Variants in GSG1L observed in about 807,000 individuals in gnomAD.
The protein encoded by GSG1L is germ cell-specific gene 1-like protein.
Under a neutral mutation model 42.1 loss-of-function variants are expected in GSG1L, and 24 were observed. The ratio of observed to expected loss-of-function variants is 0.57; its 90% CI spans 0.41 to 0.80. The LOEUF (loss-of-function observed/expected upper bound fraction) is 0.80, where lower values mean the gene tolerates loss of function less well. Ranked by LOEUF, GSG1L falls within the 30% of genes least tolerant of loss-of-function variation. The pLI, the probability that GSG1L is intolerant of heterozygous loss-of-function variation, is 0.00. For missense variants in GSG1L, 445 were observed against 472.2 expected, an observed-to-expected ratio of 0.94 and a Z score of 0.53; for synonymous variants, 215 against 203.5, an observed-to-expected ratio of 1.06 and a Z score of -0.48.
At chr16:28,050,013 C>G (rs1427347228) in intron 1 of GSG1L, among the ~76,000 whole-genome samples, 1 of 152,090 alleles carries the variant, frequency 6.6e-6, no homozygotes, top group Admixed American at 6.6e-5. Flanking sequence ...GGGCAGGAAC[C>G]TTATATATGA....
intron 2 of GSG1L, among the ~76,000 whole-genome samples, chr16:27,921,311 T>C (rs1323204260): frequency 6.6e-6 from 1 of 152,176 alleles, no homozygotes; most frequent in African/African-American, 2.4e-5. Context: ...ACTGCTCCCA[T>C]GCCCTCCAAA....
At chr16:27,946,754 T>C (rs1193076214) in intron 2 of GSG1L, among the ~76,000 whole-genome samples, 5 of 152,188 alleles carry the variant, frequency 3.3e-5, no homozygotes, top group African/African-American at 1.2e-4. Context: ...TGCGTTATTC[T>C]ATAAAGCTTA....
At chr16:27,915,159 G>A (rs377658103) in intron 2 of GSG1L, among the ~76,000 whole-genome samples, 45 of 150,644 alleles carry the variant, frequency 3.0e-4, no homozygotes, top group Middle Eastern at 6.8e-3. Context: ...TCTGAGAGGG[G>A]ATGAGGGAGC....
chr16:27,961,338 G>A (rs1488998977), intron 2 of GSG1L, among the ~76,000 whole-genome samples: 1 of 152,234 alleles, frequency 6.6e-6, no homozygotes, highest in African/African-American at 2.4e-5. Flanking sequence ...TTGGAGCAAA[G>A]TTGACCCAGG....
intron 1 of GSG1L, among the ~76,000 whole-genome samples, chr16:28,023,732 C>T (rs1029783878): frequency 6.6e-6 from 1 of 152,164 alleles, no homozygotes; most frequent in Non-Finnish European, 1.5e-5. Flanking sequence ...TGCCTAAGAT[C>T]ACATAGCAAG....
chr16:27,909,499 A>G (rs1187465033), intron 2 of GSG1L, among the ~76,000 whole-genome samples: 1 of 148,548 alleles, frequency 6.7e-6, no homozygotes, highest in Non-Finnish European at 1.5e-5. Context: ...CAAGGGTCCC[A>G]CCTCAGCCTC....
At chr16:27,873,930 C>A (rs1258758872) in intron 3 of GSG1L, among the ~76,000 whole-genome samples, 1 of 152,200 alleles carries the variant, frequency 6.6e-6, no homozygotes, top group Non-Finnish European at 1.5e-5. Context: ...AGCCCTATTG[C>A]AAATGCTTAA....
intron 1 of GSG1L, among the ~76,000 whole-genome samples, chr16:28,012,055 C>T (rs74016604): frequency 6.6e-6 from 1 of 152,072 alleles, no homozygotes; most frequent in East Asian, 1.9e-4. Flanking sequence ...CAACTAAGTC[C>T]AAACTCCCTG....
At chr16:27,796,145 T>A (rs1221925900) in intron 6 of GSG1L, among the ~76,000 whole-genome samples, 1 of 152,186 alleles carries the variant, frequency 6.6e-6, no homozygotes, top group African/African-American at 2.4e-5. Context: ...ACAGATCAGC[T>A]GGATCCCTTT....
chr16:27,901,413 C>T (rs532126806), intron 2 of GSG1L, among the ~76,000 whole-genome samples: 10 of 152,320 alleles, frequency 6.6e-5, no homozygotes, highest in African/African-American at 2.4e-4. Flanking sequence ...TGAGAGTTAA[C>T]GTGATCCTGC....
intron 6 of GSG1L, among the ~76,000 whole-genome samples, chr16:27,792,587 G>A (rs1415467764): frequency 6.6e-6 from 1 of 152,124 alleles, no homozygotes; most frequent in Non-Finnish European, 1.5e-5. Flanking sequence ...TGGAGTTTCA[G>A]CTCTCCAGGA....
chr16:27,865,979 T>C (rs1009509538), intron 3 of GSG1L, among the ~76,000 whole-genome samples: 3 of 151,988 alleles, frequency 2.0e-5, no homozygotes, highest in Non-Finnish European at 1.5e-5. Context: ...GGGATTACAG[T>C]TGTGAGCCAC....
At chr16:27,811,117 T>G (rs1281990540) in intron 5 of GSG1L, among the ~76,000 whole-genome samples, 1 of 152,226 alleles carries the variant, frequency 6.6e-6, no homozygotes, top group Non-Finnish European at 1.5e-5. Context: ...CTCCATGTAA[T>G]GGGATCAACA....
At chr16:28,060,070 T>C (rs1178292699) in intron 1 of GSG1L, among the ~76,000 whole-genome samples, 1 of 152,050 alleles carries the variant, frequency 6.6e-6, no homozygotes, top group Non-Finnish European at 1.5e-5. Flanking sequence ...GATCTCCTGG[T>C]TGGTGTTCGC....
At chr16:27,865,372 A>ACCT (rs1200614158) in intron 3 of GSG1L, among the ~76,000 whole-genome samples, 1 of 151,338 alleles carries the variant, frequency 6.6e-6, no homozygotes, top group Non-Finnish European at 1.5e-5. Flanking sequence ...CCCCAGCATC[A>ACCT]CCTGAGATCC....
chr16:27,935,427 C>A (rs778435980), intron 2 of GSG1L, among the ~76,000 whole-genome samples: 1 of 152,138 alleles, frequency 6.6e-6, no homozygotes, highest in Non-Finnish European at 1.5e-5. Flanking sequence ...CTCTTGACAC[C>A]TTGCATTTTG....
chr16:27,820,493 A>T (rs543542011), intron 5 of GSG1L, among the ~76,000 whole-genome samples: 1 of 152,134 alleles, frequency 6.6e-6, no homozygotes, highest in East Asian at 1.9e-4. Flanking sequence ...GAAGATGTGG[A>T]GACAGGCCCT....
intron 1 of GSG1L, among the ~76,000 whole-genome samples, chr16:28,052,467 T>C (rs938051608): frequency 6.6e-6 from 1 of 151,950 alleles, no homozygotes; most frequent in African/African-American, 2.4e-5. Flanking sequence ...GGACTGAAAT[T>C]CTCCAGTCCT....
rs150045639 is a variant in GSG1L, at chr16:27,834,948, G to C, written c.663-5992C>G. Among the ~76,000 whole-genome samples, 606 of 152,096 alleles carry C rather than the reference G, an allele frequency of 4.0e-3. 5 individuals are homozygous for C. Among genetic ancestry groups the C allele is most frequent in the African/African-American group, 0.013 (556 of 41,484 alleles). ...CTCATCTTTCTTCTGCTGGCTTTGG[G>C]CTTATTTTGCCCTTCTTTTTCTAGG... is the stretch of plus-strand genomic sequence containing the variant. On this transcript the variant is annotated intron_variant, in intron 4 of 6. Coordinates refer to ENST00000447459, the MANE Select transcript of GSG1L (RefSeq NM_001109763.2).
Sources: allele counts gnomAD v4.1 joint callset (sites outside exome capture counted in the v4.1 genomes callset), GRCh38; gene constraint gnomAD v4.1.1; transcripts MANE v1.5; gene names NCBI Gene and HGNC (gene_info 2026-07-23, HGNC 2026-07-21).